Variants in CSMD2 observed in about 807,000 individuals in gnomAD.
CSMD2 encodes CUB and sushi domain-containing protein 2.
A neutral mutation model predicts 398.5 loss-of-function variants in CSMD2; 130 were observed. The observed-to-expected ratio is 0.33, with a 90% confidence interval of 0.28 to 0.38. The LOEUF is 0.38. Ranked by LOEUF, CSMD2 falls within the 10% of genes least tolerant of loss-of-function variation. The pLI, the probability that CSMD2 is intolerant of heterozygous loss-of-function variation, is 1.00. For synonymous variants in CSMD2, 1,828 were observed against 1,908.5 expected (o/e 0.96, Z 1.10); for missense variants, 3,829 against 4,764.9 (o/e 0.80, Z 5.78).
At chr1:33,872,610 GT>G (rs973870100) in intron 5 of CSMD2, among the ~76,000 whole-genome samples, 4 of 151,998 alleles carry the variant, frequency 2.6e-5, no homozygotes, top group African/African-American at 9.7e-5. Flanking sequence ...TTGTGGGTTT[GT>G]TTTTTTGTGT....
rs1423525812 is a variant in CSMD2, at chr1:33,586,542, G to A, written c.7013C>T (p.Thr2338Ile). ...GGGTGGTCCTTCAAACTGCAGGTAG[G>A]TTCCAAGTTTGCAGGTCAGAATTTC... is the stretch of plus-strand genomic sequence containing the variant. Reference protein sequence around the residue: ...GNEILTCKLGTYLQFEGPPPI... With the variant: ...GNEILTCKLGIYLQFEGPPPI... Residue 2338 changes from threonine to isoleucine, a missense_variant, in exon 46 of 71, where the codon ACC (threonine) becomes ATC (isoleucine). Thr to Ile is a moderately conservative substitution (Grantham distance 89). Coordinates refer to ENST00000373381, the MANE Select transcript of CSMD2 (RefSeq NM_001281956.2). 1 of 1,613,782 alleles carries A rather than the reference G, an allele frequency of 6.2e-7. No homozygotes were observed. Among genetic ancestry groups the A allele is most frequent in the Non-Finnish European group, 8.5e-7 (1 of 1,179,738 alleles).
intron 53 of CSMD2, 104 bp downstream of exon 53, chr1:33,567,489 A>G: frequency 1.4e-6 from 1 of 715,078 alleles, no homozygotes; most frequent in Non-Finnish European, 2.2e-6. Context: ...ATATATATAT[A>G]TATATATTTA....
intron 32 of CSMD2, among the ~76,000 whole-genome samples, chr1:33,630,649 T>C (rs1642414607): frequency 6.6e-6 from 1 of 151,900 alleles, no homozygotes; most frequent in South Asian, 2.1e-4. Context: ...AAAAAAAAGG[T>C]CCTTGGCTAC....
chr1:34,080,976 A>AAGAAAGAAAGAAATGC (rs1558349704), intron 2 of CSMD2, among the ~76,000 whole-genome samples: 1 of 150,014 alleles, frequency 6.7e-6, no homozygotes. Context: ...GAAAGAAAGA[A>AAGAAAGAAAGAAATGC]ATGCACAGGA....
At chr1:34,098,503 A>C (rs1163005983) in intron 1 of CSMD2, among the ~76,000 whole-genome samples, 1 of 151,932 alleles carries the variant, frequency 6.6e-6, no homozygotes, top group African/African-American at 2.4e-5. Context: ...AAGATAGTAA[A>C]TTTAGCAGTC....
At chr1:33,744,420 G>C (rs771756355) in intron 13 of CSMD2, among the ~76,000 whole-genome samples, 4 of 152,238 alleles carry the variant, frequency 2.6e-5, no homozygotes, top group Non-Finnish European at 5.9e-5. Flanking sequence ...AACTGGGGGA[G>C]GGAGGTGACA....
Position 33,926,684 on chromosome 1 carries a change from A to G in CSMD2, c.713-8383T>C, listed in dbSNP as rs1406378436. Among the ~76,000 whole-genome samples, 3 of 152,198 alleles carry G rather than the reference A, an allele frequency of 2.0e-5. No individual in the cohort carries two copies. The East Asian group carries it at 5.8e-4, about 29-fold the overall frequency. On this transcript the variant is annotated intron_variant, in intron 4 of 70. Coordinates refer to ENST00000373381, the MANE Select transcript of CSMD2 (RefSeq NM_001281956.2). ...CACCATAGTCCTAAAATATTCATTT[A>G]CACTTTCTCCTTCTCTGGCAATGGG...
chr1:33,883,038 C>T (rs565643725), intron 5 of CSMD2, among the ~76,000 whole-genome samples: 1 of 152,312 alleles, frequency 6.6e-6, no homozygotes, highest in East Asian at 1.9e-4. Context: ...GTTTGTCCAG[C>T]CCCTCCTTGA....
intron 5 of CSMD2, among the ~76,000 whole-genome samples, chr1:33,904,936 G>A (rs538847179): frequency 7.6e-4 from 116 of 151,878 alleles, no homozygotes; most frequent in Admixed American, 1.2e-3. Flanking sequence ...ATGAGCCACC[G>A]TGTCCAGCCG....
At chr1:34,015,865 C>T (rs1200176673) in intron 3 of CSMD2, among the ~76,000 whole-genome samples, 1 of 152,152 alleles carries the variant, frequency 6.6e-6, no homozygotes, top group Admixed American at 6.5e-5. Flanking sequence ...AAGCTTCTCA[C>T]ACGAATAAAT....
chr1:33,640,074 C>G (rs1469482788), intron 29 of CSMD2, among the ~76,000 whole-genome samples: 2 of 152,144 alleles, frequency 1.3e-5, no homozygotes, highest in Non-Finnish European at 2.9e-5. Context: ...AATGATAACA[C>G]TAAATGACTA....
At chr1:34,025,477 C>G (rs1649526452) in intron 3 of CSMD2, among the ~76,000 whole-genome samples, 1 of 152,158 alleles carries the variant, frequency 6.6e-6, no homozygotes, top group Non-Finnish European at 1.5e-5. Context: ...AGGTCAACCT[C>G]TCTGGGCTGT....
At chr1:34,064,781 A>G (rs535457763) in intron 2 of CSMD2, among the ~76,000 whole-genome samples, 7 of 152,364 alleles carry the variant, frequency 4.6e-5, no homozygotes, top group African/African-American at 1.7e-4. Context: ...TGATAAAGAC[A>G]TACCCGAGAC....
chr1:33,806,573 C>A (rs905592952), intron 10 of CSMD2, among the ~76,000 whole-genome samples: 4 of 152,068 alleles, frequency 2.6e-5, no homozygotes, highest in Non-Finnish European at 4.4e-5. Context: ...AAAACAGAAT[C>A]AAATTTGCAA....
intron 3 of CSMD2, among the ~76,000 whole-genome samples, chr1:33,947,709 C>A (rs1376748681): frequency 6.6e-6 from 1 of 152,212 alleles, no homozygotes; most frequent in African/African-American, 2.4e-5. Flanking sequence ...GACAGGGATT[C>A]AACGTGTGGT....
chr1:33,997,022 G>A (rs1309332696), intron 3 of CSMD2, among the ~76,000 whole-genome samples: 2 of 152,198 alleles, frequency 1.3e-5, no homozygotes, highest in Non-Finnish European at 2.9e-5. Flanking sequence ...GTCATACAAT[G>A]GGTAAGGACC....
chr1:33,695,114 G>A (rs1448202923), intron 24 of CSMD2, among the ~76,000 whole-genome samples: 2 of 152,168 alleles, frequency 1.3e-5, no homozygotes, highest in South Asian at 2.1e-4. Context: ...GGTGGCAAGG[G>A]TAGGATGGGA....
At chr1:33,903,911 G>A (rs1040017739) in intron 5 of CSMD2, among the ~76,000 whole-genome samples, 12 of 152,166 alleles carry the variant, frequency 7.9e-5, no homozygotes, top group African/African-American at 2.9e-4. Context: ...AAGATTTGAA[G>A]ACTGTGAAGG....
chr1:33,928,463 G>T (rs1477474572), intron 4 of CSMD2, among the ~76,000 whole-genome samples: 1 of 152,210 alleles, frequency 6.6e-6, no homozygotes, highest in Non-Finnish European at 1.5e-5. Context: ...CCTCTGCTAT[G>T]TGCTTAGCAT....
Sources: gnomAD v4.1 joint callset for allele counts (sites outside exome capture counted in the v4.1 genomes callset) on GRCh38, gnomAD v4.1.1 for gene constraint, MANE v1.5 for transcripts, NCBI Gene and HGNC (gene_info 2026-07-23, HGNC 2026-07-21) for gene names.